Variants in TYR observed in about 807,000 individuals in gnomAD.
The protein encoded by TYR is tyrosinase, also known as LB24-AB.
Under a neutral mutation model 51.5 loss-of-function variants are expected in TYR, and 58 were observed. That is an observed-to-expected ratio of 1.13 (90% CI 0.91 to 1.40). The LOEUF is 1.40. Among genes scored for constraint, TYR ranks in the 40% most tolerant of loss-of-function variants. The probability of loss-of-function intolerance (pLI) is 0.00; values close to 1 mark genes in which losing one functional copy is unlikely to be tolerated. For synonymous variants in TYR, 263 were observed against 235.2 expected (o/e 1.12, Z -1.08); for missense variants, 732 against 647.4 (o/e 1.13, Z -1.42).
intron 1 of TYR, among the ~76,000 whole-genome samples, chr11:89,180,955 A>G (rs1943292906): frequency 2.0e-5 from 3 of 152,304 alleles, no homozygotes; most frequent in African/African-American, 7.2e-5. Flanking sequence ...AAACCATTTA[A>G]AAAGTAAAAA....
rs1428763809 is a variant in TYR at position 89,178,286 on chromosome 11, C to G, written c.333C>G (p.Asn111Lys). ...GNCKFGFWGP[N>K]CTERRLLVRR... ...GCAAGTTTGGCTTTTGGGGACCAAACTGCACAGAGAGACGACTCTTGGTGA... is the reference window on the plus strand; with the variant it reads ...GCAAGTTTGGCTTTTGGGGACCAAAGTGCACAGAGAGACGACTCTTGGTGA... The change falls in exon 1 of 5, where the codon AAC (asparagine) becomes AAG (lysine). Residue 111 changes from asparagine to lysine, a missense_variant. Coordinates refer to ENST00000263321, the MANE Select transcript of TYR (RefSeq NM_000372.5). 2 of 1,614,052 alleles carry G rather than the reference C, an allele frequency of 1.2e-6. No homozygotes were observed. The highest frequency in any genetic ancestry group is 2.7e-5 in the African/African-American group (2 of 74,922).
intron 3 of TYR, among the ~76,000 whole-genome samples, chr11:89,279,046 C>T (rs945019399): frequency 1.3e-5 from 2 of 151,610 alleles, no homozygotes; most frequent in African/African-American, 4.8e-5. Context: ...ATTCTCTTCA[C>T]ATCATATCAA....
intron 3 of TYR, among the ~76,000 whole-genome samples, chr11:89,276,490 T>TTC (rs768278219): frequency 1.3e-5 from 2 of 151,720 alleles, no homozygotes; most frequent in African/African-American, 2.4e-5. Flanking sequence ...GTTCACTACT[T>TTC]TCTCTCTCTC....
Position 89,284,903 on chromosome 11 carries a change from T to C in TYR, c.1315T>C (p.Phe439Leu). ...FIPLYRNGDF[F>L]ISSKDLGYDY... is the part of the protein sequence containing the mutation. ...ACCACTGTACAGAAATGGTGATTTC[T>C]TTATTTCATCCAAAGATCTGGGCTA... The change falls in exon 4 of 5, where the codon TTT becomes CTT. Residue 439 changes from phenylalanine (F) to leucine (L), a missense_variant. Transcript: ENST00000263321. The C allele has an allele frequency of 1.2e-6, 2 of 1,611,862 alleles. No individual in the cohort carries two copies. The highest frequency in any genetic ancestry group is 1.7e-6 in the Non-Finnish European group (2 of 1,178,504).
intron 3 of TYR, among the ~76,000 whole-genome samples, chr11:89,269,606 T>C (rs919305743): frequency 2.6e-5 from 4 of 152,106 alleles, no homozygotes; most frequent in Non-Finnish European, 5.9e-5. Context: ...TTAACTGCCT[T>C]ACTGATTCCC....
At chr11:89,178,837 G>T in intron 1 of TYR, 65 bp downstream of exon 1, 1 of 1,544,940 alleles carries the variant, frequency 6.5e-7, no homozygotes, top group Non-Finnish European at 8.9e-7. Flanking sequence ...TCTTCAGGCA[G>T]GGTATAAACT....
intron 1 of TYR, among the ~76,000 whole-genome samples, chr11:89,182,389 A>G (rs750476512): frequency 2.6e-5 from 4 of 152,280 alleles, no homozygotes; most frequent in Non-Finnish European, 4.4e-5. Context: ...CCAAGGATAC[A>G]ACAATGTCAA....
chr11:89,250,320 G>A (rs528413147), intron 3 of TYR, among the ~76,000 whole-genome samples: 7 of 151,796 alleles, frequency 4.6e-5, no homozygotes, highest in South Asian at 2.1e-4. Flanking sequence ...GTCTGAAGGC[G>A]GAGGCAAAGA....
intron 3 of TYR, among the ~76,000 whole-genome samples, chr11:89,268,890 G>A (rs1054308211): frequency 1.3e-5 from 2 of 151,720 alleles, no homozygotes; most frequent in Non-Finnish European, 2.9e-5. Flanking sequence ...GTCAGTCTAC[G>A]CATTCTATGT....
At chr11:89,185,778 A>G (rs1369084982) in intron 1 of TYR, among the ~76,000 whole-genome samples, 1 of 152,300 alleles carries the variant, frequency 6.6e-6, no homozygotes, top group African/African-American at 2.4e-5. Context: ...TAAGGTATCA[A>G]TGAATTTAAG....
intron 3 of TYR, among the ~76,000 whole-genome samples, chr11:89,233,631 G>A (rs530601895): frequency 7.0e-6 from 1 of 142,052 alleles, no homozygotes; most frequent in East Asian, 2.0e-4. Flanking sequence ...ACATAGATAC[G>A]TGTTAGCAGG....
intron 3 of TYR, among the ~76,000 whole-genome samples, chr11:89,243,546 T>G (rs115655636): frequency 0.025 from 3,776 of 152,306 alleles, 140 homozygotes; most frequent in African/African-American, 0.085. Context: ...TATATTATAA[T>G]TGTCCAGTTT....
intron 4 of TYR, among the ~76,000 whole-genome samples, chr11:89,285,454 T>G (rs1480411341): frequency 6.6e-6 from 1 of 151,780 alleles, no homozygotes; most frequent in Non-Finnish European, 1.5e-5. Flanking sequence ...TGTAGAAATC[T>G]TGAACTTAAG....
At chr11:89,220,695 A>C (rs1481300587) in intron 2 of TYR, among the ~76,000 whole-genome samples, 1 of 152,170 alleles carries the variant, frequency 6.6e-6, no homozygotes, top group Non-Finnish European at 1.5e-5. Context: ...CGGAGGTTGC[A>C]GTGAGCGGAG....
intron 2 of TYR, among the ~76,000 whole-genome samples, chr11:89,198,888 C>T (rs1019542117): frequency 5.3e-5 from 8 of 152,004 alleles, no homozygotes; most frequent in Non-Finnish European, 1.2e-4. Context: ...TTAGGTATAT[C>T]TCCTAATGCT....
intron 2 of TYR, among the ~76,000 whole-genome samples, chr11:89,206,891 A>G (rs1227316834): frequency 6.6e-6 from 1 of 152,098 alleles, no homozygotes; most frequent in African/African-American, 2.4e-5. Flanking sequence ...GAGTAAAGAG[A>G]AAGACTTAAG....
intron 2 of TYR, among the ~76,000 whole-genome samples, chr11:89,196,108 A>C (rs1389360464): frequency 2.0e-5 from 3 of 152,182 alleles, no homozygotes; most frequent in African/African-American, 7.2e-5. Context: ...GATGCAATAC[A>C]TGTAAGGTAG....
intron 3 of TYR, among the ~76,000 whole-genome samples, chr11:89,248,550 G>C (rs1027180627): frequency 1.3e-5 from 2 of 152,132 alleles, no homozygotes; most frequent in African/African-American, 4.8e-5. Context: ...GTTTGGAAAG[G>C]AGACTAGAAA....
At chr11:89,228,901 T>A (rs1405817195) in intron 3 of TYR, among the ~76,000 whole-genome samples, 1 of 151,838 alleles carries the variant, frequency 6.6e-6, no homozygotes, top group Non-Finnish European at 1.5e-5. Context: ...AAATAAAGCA[T>A]CAAATCATGA....
Sources: allele counts gnomAD v4.1 joint callset (sites outside exome capture counted in the v4.1 genomes callset), GRCh38; gene constraint gnomAD v4.1.1; transcripts MANE v1.5; gene names NCBI Gene and HGNC (gene_info 2026-07-23, HGNC 2026-07-21).